Variants in RBFOX1 observed in about 807,000 individuals in gnomAD.
RBFOX1 encodes RNA binding fox-1 homolog 1, also known as RNA binding protein fox-1 homolog 1.
A neutral mutation model predicts 57.7 loss-of-function variants in RBFOX1; 8 were observed. The ratio of observed to expected loss-of-function variants is 0.14; its 90% CI spans 0.08 to 0.25. The LOEUF is 0.25. Ranked by LOEUF, RBFOX1 falls within the 10% of genes least tolerant of loss-of-function variation. RBFOX1 has a pLI of 1.00. For synonymous variants in RBFOX1, 326 were observed against 222.4 expected, an observed-to-expected ratio of 1.47 and a Z score of -4.15; for missense variants, 611 against 548.5, an observed-to-expected ratio of 1.11 and a Z score of -1.14.
chr16:5,930,552 G>T (rs2059029964), intron 4 of RBFOX1, among the ~76,000 whole-genome samples: 1 of 95,116 alleles, frequency 1.1e-5, no homozygotes, highest in Non-Finnish European at 2.1e-5. Context: ...GAGGGTGGAT[G>T]TATGCCTGGA....
chr16:7,265,485 G>A (rs1282799007), intron 4 of RBFOX1, among the ~76,000 whole-genome samples: 1 of 151,810 alleles, frequency 6.6e-6, no homozygotes, highest in African/African-American at 2.4e-5. Context: ...GTCTTGCTCT[G>A]TCACCCAGGC....
intron 2 of RBFOX1, among the ~76,000 whole-genome samples, chr16:5,534,501 A>G (rs2044617445): frequency 6.6e-6 from 1 of 152,190 alleles, no homozygotes; most frequent in Non-Finnish European, 1.5e-5. Flanking sequence ...TGTAAATCTA[A>G]GAGTCAAAAG....
intron 3 of RBFOX1, among the ~76,000 whole-genome samples, chr16:5,799,908 A>C (rs1342846994): frequency 6.6e-6 from 1 of 152,064 alleles, no homozygotes; most frequent in African/African-American, 2.4e-5. Context: ...TAAGTGGGAG[A>C]ATGTTGCTAT....
At chr16:6,908,501 C>T (rs1003550424) in intron 3 of RBFOX1, among the ~76,000 whole-genome samples, 5 of 152,232 alleles carry the variant, frequency 3.3e-5, no homozygotes, top group African/African-American at 9.6e-5. Context: ...AAGGTATTTC[C>T]GGGTTATAGC....
intron 10 of RBFOX1, among the ~76,000 whole-genome samples, chr16:7,613,886 C>T (rs958388053): frequency 6.6e-6 from 1 of 152,194 alleles, no homozygotes; most frequent in Non-Finnish European, 1.5e-5. Flanking sequence ...TGGTCCCTGA[C>T]ACAAGTTTGC....
intron 3 of RBFOX1, among the ~76,000 whole-genome samples, chr16:5,828,466 G>A (rs1235274877): frequency 3.9e-5 from 6 of 152,144 alleles, no homozygotes; most frequent in Non-Finnish European, 5.9e-5. Flanking sequence ...TTGGGAGGCC[G>A]AGGTGGGCGG....
chr16:6,887,827 TAA>T (rs1168430315), intron 3 of RBFOX1, among the ~76,000 whole-genome samples: 1 of 152,100 alleles, frequency 6.6e-6, no homozygotes, highest in East Asian at 1.9e-4. Flanking sequence ...CACACCTGGC[TAA>T]TTTTTATATT....
intron 11 of RBFOX1, among the ~76,000 whole-genome samples, chr16:7,652,834 C>G (rs929071518): frequency 6.6e-6 from 1 of 152,136 alleles, no homozygotes; most frequent in African/African-American, 2.4e-5. Flanking sequence ...TAAGCTGTTT[C>G]TCATGGCATG....
intron 3 of RBFOX1, among the ~76,000 whole-genome samples, chr16:5,658,966 C>T (rs534243608): frequency 5.3e-5 from 8 of 151,802 alleles, no homozygotes; most frequent in South Asian, 2.1e-4. Flanking sequence ...TTGCAAATTG[C>T]GATGCTATAA....
chr16:6,162,674 G>T (rs2096888400), intron 1 of RBFOX1, among the ~76,000 whole-genome samples: 1 of 152,122 alleles, frequency 6.6e-6, no homozygotes, highest in Non-Finnish European at 1.5e-5. Flanking sequence ...AATGTTATAT[G>T]TTACAAGATG....
intron 3 of RBFOX1, among the ~76,000 whole-genome samples, chr16:6,659,559 A>T (rs1303677152): frequency 1.3e-5 from 2 of 152,160 alleles, no homozygotes; most frequent in African/African-American, 2.4e-5. Flanking sequence ...AAGGAAGCTC[A>T]GGCACATTTA....
chr16:7,464,139 G>T (rs2058293), intron 4 of RBFOX1, among the ~76,000 whole-genome samples: 3,402 of 152,234 alleles, frequency 0.022, 61 homozygotes, highest in Middle Eastern at 0.048. Context: ...CAATGGCTCT[G>T]ATTTCCTTAA....
At position 5,839,264 on chromosome 16, in the gene RBFOX1, A is replaced by G. The variant is rs183938985; in HGVS notation, c.319-28039A>G. Reference sequence around the variant, plus strand: ...TCTGTTCAATACTTATGAGGGAAGAAAGTCTTACAAAAAATCACAGCAAAT... The same window carrying G: ...TCTGTTCAATACTTATGAGGGAAGAGAGTCTTACAAAAAATCACAGCAAAT... On this transcript the variant is annotated intron_variant, in intron 3 of 19. Coordinates refer to the RBFOX1 transcript ENST00000641259. Among the ~76,000 whole-genome samples the G allele has an allele frequency of 5.3e-5, 8 of 152,310 alleles. No individual in the cohort carries two copies. The East Asian group carries it at 1.5e-3, about 29-fold the overall frequency.
chr16:7,385,930 A>G (rs199872792), intron 4 of RBFOX1, among the ~76,000 whole-genome samples: 10 of 121,506 alleles, frequency 8.2e-5, no homozygotes, highest in East Asian at 6.1e-4. Context: ...TTATTTATTT[A>G]TTTATTTATT....
intron 3 of RBFOX1, among the ~76,000 whole-genome samples, chr16:5,662,498 A>G (rs1046739382): frequency 6.6e-6 from 1 of 152,192 alleles, no homozygotes; most frequent in Admixed American, 6.5e-5. Context: ...ATAGCATCAG[A>G]GTATTACCAT....
intron 2 of RBFOX1, among the ~76,000 whole-genome samples, chr16:5,528,457 T>TTGC (rs1248809678): frequency 1.1e-4 from 17 of 152,298 alleles, no homozygotes; most frequent in African/African-American, 3.8e-4. Context: ...GACCACGTTG[T>TTGC]TGCCTGTGTG....
chr16:6,863,670 TAAAAAAAAAAAAAGA>T (rs1304607880), intron 3 of RBFOX1, among the ~76,000 whole-genome samples: 1 of 105,536 alleles, frequency 9.5e-6, no homozygotes, highest in African/African-American at 3.8e-5. Flanking sequence ...TTTTTTTCCT[TAAAAAAAAAAAAAGA>T]AAAAAAGAAA....
chr16:7,545,796 C>G lies in RBFOX1; in HGVS notation c.270+27407C>G, dbSNP rs536519962. Among the ~76,000 whole-genome samples, 125 of 152,170 alleles carry G rather than the reference C, an allele frequency of 8.2e-4. 1 individual carries two copies. The highest frequency in any genetic ancestry group is 2.9e-3 in the African/African-American group (119 of 41,530). ...GAAAACGTGGTCTTGGGTCTCAGCT[C>G]TGCCATTCTGACACTGAATAACCAT... On this transcript the variant is annotated intron_variant, in intron 5 of 15. Coordinates refer to ENST00000550418, the MANE Select transcript of RBFOX1 (RefSeq NM_018723.4).
chr16:6,928,376 G>T (rs991024361), intron 3 of RBFOX1, among the ~76,000 whole-genome samples: 1 of 152,158 alleles, frequency 6.6e-6, no homozygotes, highest in Admixed American at 6.6e-5. Context: ...GATTTCTGGA[G>T]CCAACAAAGG....
Sources: allele counts gnomAD v4.1 joint callset (sites outside exome capture counted in the v4.1 genomes callset), GRCh38; gene constraint gnomAD v4.1.1; transcripts MANE v1.5; gene names NCBI Gene and HGNC (gene_info 2026-07-23, HGNC 2026-07-21).